Variants in CLIP1 observed in about 807,000 individuals in gnomAD.
The protein encoded by CLIP1 is CAP-Gly domain containing linker protein 1.
A neutral mutation model predicts 161.6 loss-of-function variants in CLIP1; 66 were observed. That is an observed-to-expected ratio of 0.41 (90% CI 0.33 to 0.50). CLIP1 has a LOEUF of 0.50. Among genes scored for constraint, CLIP1 ranks in the 20% least tolerant of loss-of-function variants. CLIP1 has a pLI of 0.27. For missense variants in CLIP1, 1,376 were observed against 1,702.0 expected (o/e 0.81, Z 3.37); for synonymous variants, 598 against 626.2 (o/e 0.96, Z 0.67).
rs1479419338 is a variant in CLIP1, at chr12:122,272,100, T to A, written c.*775A>T. On this transcript the variant is annotated 3_prime_UTR_variant, in exon 26 of 26. Transcript: ENST00000620786. ...GTGTTTTCTTTTTCAAAAAGGTAAA[T>A]GTCCAAAAAGAAAGACACATTGTGT... is the stretch of plus-strand genomic sequence containing the variant. 1 of 152,314 alleles carries A rather than the reference T, an allele frequency of 6.6e-6. No individual in the cohort carries two copies. The highest frequency in any genetic ancestry group is 1.5e-5 in the Non-Finnish European group (1 of 68,036). The allele number at this position is 152,314 out of a possible 1,614,324, so 9.4% of individuals were successfully genotyped here. A position where few individuals can be genotyped will look rare whatever the true frequency, so the allele number is the denominator to read the frequency against.
intron 5 of CLIP1, among the ~76,000 whole-genome samples, chr12:122,357,803 G>A (rs552790883): frequency 2.0e-5 from 3 of 149,398 alleles, no homozygotes; most frequent in East Asian, 4.0e-4. Context: ...CGCCCCATCC[G>A]GGAGGGAGGT....
At chr12:122,313,174 C>A (rs1951126336) in intron 19 of CLIP1, among the ~76,000 whole-genome samples, 1 of 152,206 alleles carries the variant, frequency 6.6e-6, no homozygotes, top group Admixed American at 6.5e-5. Context: ...TGTGCCAAGT[C>A]ACTGACAGGA....
intron 3 of CLIP1, among the ~76,000 whole-genome samples, chr12:122,373,841 G>A (rs957926515): frequency 2.6e-5 from 4 of 152,054 alleles, no homozygotes; most frequent in Admixed American, 6.6e-5. Flanking sequence ...TGGCTTATAT[G>A]TAATAAGACC....
At position 122,341,718 on chromosome 12, in the gene CLIP1, A is replaced by G. The variant is rs572287221; in HGVS notation, c.1507-21T>C. 4.7e-6 allele frequency: 6 copies of G among 1,267,856 alleles called. No individual in the cohort carries two copies. In the South Asian group the frequency reaches 1.1e-4, roughly 23 times the overall value. The allele number at this position is 1,267,856 out of a possible 1,614,324, so 78.5% of individuals were successfully genotyped here. A position where few individuals can be genotyped will look rare whatever the true frequency, so the allele number is the denominator to read the frequency against. On this transcript the variant is annotated intron_variant, in intron 10 of 25. Transcript: ENST00000620786. Reference sequence around the variant, plus strand: ...GCCACCTATTAACAGCAGTCCAAAGAAAAAAAGATCATTTAAATAACAAGT... The same window carrying G: ...GCCACCTATTAACAGCAGTCCAAAGGAAAAAAGATCATTTAAATAACAAGT...
chr12:122,336,231 G>A (rs1260306797), intron 12 of CLIP1, among the ~76,000 whole-genome samples: 1 of 151,984 alleles, frequency 6.6e-6, no homozygotes, highest in African/African-American at 2.4e-5. Context: ...GGGCGCCTAC[G>A]GCCCAGTACA....
intron 21 of CLIP1, among the ~76,000 whole-genome samples, chr12:122,288,025 G>A (rs1219752025): frequency 6.6e-6 from 1 of 151,894 alleles, no homozygotes; most frequent in Non-Finnish European, 1.5e-5. Flanking sequence ...TTCTGCAAAT[G>A]GATTCTCTTT....
intron 9 of CLIP1, 58 bp from the exon 10 acceptor site, chr12:122,347,537 C>A: frequency 7.5e-7 from 1 of 1,328,744 alleles, no homozygotes; most frequent in Non-Finnish European, 1.1e-6. Context: ...CATGCCAGCA[C>A]GAGAGGAGAG....
chr12:122,330,757 G>A (rs1031246857), intron 15 of CLIP1, among the ~76,000 whole-genome samples: 3 of 145,352 alleles, frequency 2.1e-5, no homozygotes, highest in African/African-American at 5.1e-5. Flanking sequence ...CTGCCACCAC[G>A]CTCAGCTCAT....
chr12:122,311,003 C>G lies in CLIP1; in HGVS notation c.3474-1121G>C, dbSNP rs1951044661. 6.6e-6 allele frequency among the ~76,000 whole-genome samples: 1 copy of G among 152,232 alleles called. No individual in the cohort carries two copies. Among genetic ancestry groups the G allele is most frequent in the Non-Finnish European group, 1.5e-5 (1 of 68,022 alleles). ...TTAGCACACTAAATTAGGCTTTTTA[C>G]AGAGATGTTTATTTAGCAATTGAAG... On this transcript the variant is annotated intron_variant, in intron 19 of 25. Coordinates refer to ENST00000620786, the MANE Select transcript of CLIP1 (RefSeq NM_001247997.2). This position sits in a 1 kb window ranked among gnomAD's most constrained non-coding sequence, Gnocchi z 4.3.
At chr12:122,278,546 C>A in intron 23 of CLIP1, 5 of 520,594 alleles carry the variant, frequency 9.6e-6, no homozygotes, top group Non-Finnish European at 1.7e-5. Context: ...TTAAGACCCC[C>A]CAGTCTGGAT....
At chr12:122,351,674 G>C (rs1321099478) in intron 8 of CLIP1, among the ~76,000 whole-genome samples, 5 of 152,140 alleles carry the variant, frequency 3.3e-5, no homozygotes, top group African/African-American at 1.2e-4. Context: ...GCACAGTTAA[G>C]TGCAATTTTT....
chr12:122,290,584 A>G (rs911264422), intron 20 of CLIP1, among the ~76,000 whole-genome samples: 1 of 152,208 alleles, frequency 6.6e-6, no homozygotes, highest in Non-Finnish European at 1.5e-5. Flanking sequence ...TACAATGAAT[A>G]TATAAATGGA....
At position 122,377,556 on chromosome 12, in the gene CLIP1, G is replaced by A. The variant is rs1954805205; in HGVS notation, c.490C>T (p.Pro164Ser). The A allele has an allele frequency of 1.2e-6, 2 of 1,613,890 alleles. No individual in the cohort carries two copies. The highest frequency in any genetic ancestry group is 8.5e-7 in the Non-Finnish European group (1 of 1,180,026). The change falls in exon 3 of 26, where the codon CCT (proline) becomes TCT (serine). Residue 164 changes from proline to serine, a missense_variant. Pro to Ser is a moderately conservative substitution (Grantham distance 74). Around this residue, in one of 6 missense-constraint regions of CLIP1, gnomAD observed 119 missense variants for 112.0 expected, o/e 1.06. Coordinates refer to ENST00000620786, the MANE Select transcript of CLIP1 (RefSeq NM_001247997.2). ...GATGGTTTCTGAGGGATGTTTGAAG[G>A]GGTGGAGGGGGAGGAAGACACCATG... ...ASMVSSSPST[P>S]SNIPQKPSQP...
chr12:122,334,381 G>A (rs1353016122), intron 13 of CLIP1, among the ~76,000 whole-genome samples: 1 of 152,100 alleles, frequency 6.6e-6, no homozygotes, highest in African/African-American at 2.4e-5. Context: ...ACTCAATAAA[G>A]CTATCAATGA....
chr12:122,301,429 G>A (rs1276729319), intron 20 of CLIP1, among the ~76,000 whole-genome samples: 1 of 152,172 alleles, frequency 6.6e-6, no homozygotes, highest in Non-Finnish European at 1.5e-5. Flanking sequence ...CCAGTACTTT[G>A]GGAGGCCGAG....
intron 8 of CLIP1, among the ~76,000 whole-genome samples, 179 bp downstream of exon 8, chr12:122,352,547 G>A (rs1953090939): frequency 6.6e-6 from 1 of 152,118 alleles, no homozygotes; most frequent in Admixed American, 6.6e-5. Context: ...GCTAGGAAGT[G>A]GGCCACACAC....
chr12:122,401,816 T>C (rs1472350112), intron 1 of CLIP1, among the ~76,000 whole-genome samples: 1 of 151,476 alleles, frequency 6.6e-6, no homozygotes, highest in African/African-American at 2.4e-5. Context: ...CTGACAGACA[T>C]GGTGAAGCCA....
intron 23 of CLIP1, chr12:122,278,574 A>AT: frequency 5.6e-6 from 3 of 538,574 alleles, no homozygotes; most frequent in Non-Finnish European, 9.6e-6. Context: ...GGCAGCCATC[A>AT]TAGTAGGTTT....
At chr12:122,299,444 C>T (rs555221623) in intron 20 of CLIP1, among the ~76,000 whole-genome samples, 1 of 152,038 alleles carries the variant, frequency 6.6e-6, no homozygotes, top group South Asian at 2.1e-4. Context: ...CGTAATAATG[C>T]TTGAATGCAC....
Sources: gnomAD v4.1 joint callset for allele counts (sites outside exome capture counted in the v4.1 genomes callset) on GRCh38, gnomAD v4.1.1 for gene constraint, gnomAD v4.1.1 regional missense constraint, Gnocchi (gnomAD v3.1) non-coding constraint, MANE v1.5 for transcripts, NCBI Gene and HGNC (gene_info 2026-07-23, HGNC 2026-07-21) for gene names.